NKAIN1: variants seen among roughly 807,000 people sequenced by gnomAD.
NKAIN1 encodes the protein sodium/potassium transporting ATPase interacting 1, also known as sodium/potassium-transporting ATPase subunit beta-1-interacting protein 1.
A neutral mutation model predicts 31.6 loss-of-function variants in NKAIN1; 13 were observed. The ratio of observed to expected loss-of-function variants is 0.41; its 90% CI spans 0.27 to 0.65. The LOEUF is 0.65. Ranked by LOEUF, NKAIN1 falls within the 30% of genes least tolerant of loss-of-function variation. NKAIN1 has a pLI of 0.30. For synonymous variants in NKAIN1, 104 were observed against 109.0 expected (o/e 0.95, Z 0.28); for missense variants, 193 against 262.2 (o/e 0.74, Z 1.82).
intron 1 of NKAIN1, among the ~76,000 whole-genome samples, chr1:31,195,774 A>G (rs1168673254): frequency 6.7e-6 from 1 of 149,802 alleles, no homozygotes; most frequent in African/African-American, 2.5e-5. Flanking sequence ...AAATACAAAA[A>G]CTCAGCCGGG....
intron 1 of NKAIN1, among the ~76,000 whole-genome samples, chr1:31,235,560 C>T (rs1246628684): frequency 3.3e-5 from 5 of 152,040 alleles, no homozygotes; most frequent in Admixed American, 6.6e-5. Flanking sequence ...CACTTGAGCT[C>T]AGGAATTTGA....
intron 1 of NKAIN1, among the ~76,000 whole-genome samples, chr1:31,189,115 G>A (rs367624494): frequency 6.6e-6 from 1 of 152,088 alleles, no homozygotes; most frequent in East Asian, 1.9e-4. Context: ...CTGACCTGCT[G>A]GAGGATGAGA....
chr1:31,201,068 G>A (rs1246131241), intron 1 of NKAIN1, among the ~76,000 whole-genome samples: 5 of 152,026 alleles, frequency 3.3e-5, no homozygotes, highest in African/African-American at 1.2e-4. Flanking sequence ...CAATTTGGGA[G>A]GCGAAGGCGG....
Position 31,220,003 on chromosome 1 carries a change from A to ACTTTTTTTTTTTTTTTTTTTTTTT in NKAIN1, c.54+19490_54+19491insAAAAAAAAAAAAAAAAAAAAAAAG, listed in dbSNP as rs138578415. ...GCTAAACCTGCTTCAGAACACTCAGATTTTTTTTTTTTTTTTTTTTTGAGA... is the reference window on the plus strand; with the variant it reads ...GCTAAACCTGCTTCAGAACACTCAGACTTTTTTTTTTTTTTTTTTTTTTTTTTTTTTTTTTTTTTTTTTTTGAGA... On this transcript the variant is annotated intron_variant, in intron 1 of 6. Coordinates refer to ENST00000373736, the MANE Select transcript of NKAIN1 (RefSeq NM_024522.3). Among the ~76,000 whole-genome samples the ACTTTTTTTTTTTTTTTTTTTTTTT allele has an allele frequency of 9.4e-5, 12 of 127,784 alleles. 5 individuals are homozygous for ACTTTTTTTTTTTTTTTTTTTTTTT. Among genetic ancestry groups the ACTTTTTTTTTTTTTTTTTTTTTTT allele is most frequent in the Non-Finnish European group, 1.6e-4 (10 of 63,226 alleles). The allele number at this position is 127,784 out of a possible 152,430, so 83.8% of individuals were successfully genotyped here.
At chr1:31,219,319 G>T (rs1275832410) in intron 1 of NKAIN1, among the ~76,000 whole-genome samples, 4 of 152,270 alleles carry the variant, frequency 2.6e-5, no homozygotes, top group Non-Finnish European at 5.9e-5. Flanking sequence ...GGACACATGT[G>T]TAAGCTATGT....
At chr1:31,207,420 G>A (rs901399159) in intron 1 of NKAIN1, among the ~76,000 whole-genome samples, 8 of 152,218 alleles carry the variant, frequency 5.3e-5, no homozygotes, top group African/African-American at 1.9e-4. Context: ...CCATAGAAGT[G>A]TTAGCTACGA....
chr1:31,220,522 A>C (rs1337654594), intron 1 of NKAIN1, among the ~76,000 whole-genome samples: 1 of 151,942 alleles, frequency 6.6e-6, no homozygotes, highest in Non-Finnish European at 1.5e-5. Context: ...TGGGAAGCCG[A>C]GGCCAGTGGA....
chr1:31,217,891 A>T (rs1645525299), intron 1 of NKAIN1, among the ~76,000 whole-genome samples: 1 of 152,052 alleles, frequency 6.6e-6, no homozygotes, highest in South Asian at 2.1e-4. Flanking sequence ...TGGCTCCTGG[A>T]TTCCAGGATT....
chr1:31,214,799 A>T (rs1490868880), intron 1 of NKAIN1, among the ~76,000 whole-genome samples: 1 of 152,212 alleles, frequency 6.6e-6, no homozygotes, highest in Non-Finnish European at 1.5e-5. Flanking sequence ...TGGACATAAT[A>T]GCAGGCGCTG....
intron 1 of NKAIN1, among the ~76,000 whole-genome samples, chr1:31,209,959 C>A (rs1026992565): frequency 1.3e-5 from 2 of 149,554 alleles, no homozygotes; most frequent in African/African-American, 5.0e-5. Context: ...TGCACTCCAG[C>A]CTGAGCAACA....
intron 1 of NKAIN1, among the ~76,000 whole-genome samples, chr1:31,200,622 C>T (rs537680276): frequency 7.9e-5 from 12 of 151,876 alleles, no homozygotes; most frequent in African/African-American, 2.4e-4. Flanking sequence ...CCACACTTGG[C>T]TATTTTTTAA....
chr1:31,183,682 A>C, intron 4 of NKAIN1, 135 bp downstream of exon 4: 1 of 876,366 alleles, frequency 1.1e-6, no homozygotes, highest in Non-Finnish European at 1.8e-6. Flanking sequence ...TCCTGACCTC[A>C]GGTGATCCAC....
chr1:31,184,027 G>A lies in NKAIN1; in HGVS notation c.274-13C>T, dbSNP rs917323475. 6.8e-6 allele frequency: 11 copies of A among 1,611,986 alleles called. No individual in the cohort carries two copies. The highest frequency in any genetic ancestry group is 7.6e-6 in the Non-Finnish European group (9 of 1,179,042). ...TGAAGTCCCGGTCCTGGGGGCAAAG[G>A]GGCCTGGGATACTGAGTGTGAGGGA... On this transcript the variant is annotated splice_polypyrimidine_tract_variant and intron_variant, in intron 3 of 6. Transcript: ENST00000373736.
In NKAIN1 at chr1:31,212,550, A is replaced by G. The variant is rs1009668986; in HGVS notation, c.55-24363T>C. Among the ~76,000 whole-genome samples, 15 of 152,028 alleles carry G rather than the reference A, an allele frequency of 9.9e-5. 1 individual carries two copies. The highest frequency in any genetic ancestry group is 3.4e-4 in the African/African-American group (14 of 41,408). ...CTCTAGAGTGGCTGGGGCCGCAGGC[A>G]CACACCACCAAACCCGGCTACTTTT... is the stretch of plus-strand genomic sequence containing the variant. On this transcript the variant is annotated intron_variant, in intron 1 of 6. Coordinates refer to ENST00000373736, the MANE Select transcript of NKAIN1 (RefSeq NM_024522.3).
chr1:31,203,426 G>A (rs1272336455), intron 1 of NKAIN1, among the ~76,000 whole-genome samples: 5 of 152,138 alleles, frequency 3.3e-5, no homozygotes, highest in Admixed American at 6.6e-5. Flanking sequence ...CGTTTGAAAC[G>A]GCGCTGCAGA....
Position 31,233,565 on chromosome 1 carries a change from T to G in NKAIN1, c.54+5929A>C, listed in dbSNP as rs1341253804. On this transcript the variant is annotated intron_variant, in intron 1 of 6. Transcript: ENST00000373736. This position sits in a 1 kb window ranked among gnomAD's most constrained non-coding sequence, Gnocchi z 4.0. Reference sequence around the variant, plus strand: ...AATGCCTAGTACAATGCCTGGCTCATAGCAGACACCAAACAAAAAGAAATT... The same window carrying G: ...AATGCCTAGTACAATGCCTGGCTCAGAGCAGACACCAAACAAAAAGAAATT... 6.6e-6 allele frequency among the ~76,000 whole-genome samples: 1 copy of G among 152,212 alleles called. No homozygotes were observed. The highest frequency in any genetic ancestry group is 1.5e-5 in the Non-Finnish European group (1 of 68,044).
In NKAIN1 at chr1:31,230,832, T is replaced by C. The variant is rs577009201; in HGVS notation, c.54+8662A>G. Among the ~76,000 whole-genome samples, 33 of 152,266 alleles carry C rather than the reference T, an allele frequency of 2.2e-4. No individual in the cohort carries two copies. The South Asian group carries it at 6.6e-3, about 31-fold the overall frequency. On this transcript the variant is annotated intron_variant, in intron 1 of 6. Transcript: ENST00000373736. ...GTCACATCAGGGTAAATCAAGCATT[T>C]ATCCTTTCTTTGTGTTACAAATAAT...
intron 1 of NKAIN1, among the ~76,000 whole-genome samples, chr1:31,200,365 G>A (rs1383565736): frequency 1.3e-5 from 2 of 152,096 alleles, no homozygotes; most frequent in African/African-American, 4.8e-5. Context: ...TTTCTAGGGA[G>A]TGGGGAGATG....
In NKAIN1 at chr1:31,181,499, TC is replaced by T; in HGVS notation, c.*203del. ...CCCGCCCCGCCCCACTCCTCCGAAG[TC>T]CGGGCTGCGAAGAGCCAAGCTCAAA... On this transcript the variant is annotated 3_prime_UTR_variant, in exon 7 of 7. Transcript: ENST00000373736. The T allele has an allele frequency of 2.3e-6, 1 of 439,122 alleles. No homozygotes were observed. Among genetic ancestry groups the T allele is most frequent in the Non-Finnish European group, 4.0e-6 (1 of 252,484 alleles). The allele number at this position is 439,122 out of a possible 1,614,324, so 27.2% of individuals were successfully genotyped here. A position where few individuals can be genotyped will look rare whatever the true frequency, so the allele number is the denominator to read the frequency against.
Sources: allele counts gnomAD v4.1 joint callset (sites outside exome capture counted in the v4.1 genomes callset), GRCh38; gene constraint gnomAD v4.1.1; non-coding constraint Gnocchi (gnomAD v3.1); transcripts MANE v1.5; gene names NCBI Gene and HGNC (gene_info 2026-07-23, HGNC 2026-07-21).